The following EP400 variants were observed in gnomAD, a reference collection of about 807,000 sequenced individuals.
EP400 encodes the protein E1A binding protein p400, also known as E1A-binding protein p400.
EP400 carries 105 observed loss-of-function variants against 354.1 expected under a neutral mutation model. The observed-to-expected ratio is 0.30, with a 90% CI of 0.25 to 0.35. EP400 has a LOEUF of 0.35. Among genes scored for constraint, EP400 ranks in the 10% least tolerant of loss-of-function variants. EP400 has a pLI of 1.00. For missense variants in EP400, 3,280 were observed against 4,121.0 expected (o/e 0.80, Z 5.59); for synonymous variants, 1,646 against 1,716.9 (o/e 0.96, Z 1.02).
chr12:131,960,945 A>G lies in EP400; in HGVS notation c.326A>G (p.Gln109Arg). 1 of 1,612,974 alleles carries G rather than the reference A, an allele frequency of 6.2e-7. No individual in the cohort carries two copies. Among genetic ancestry groups the G allele is most frequent in the Non-Finnish European group, 8.5e-7 (1 of 1,179,750 alleles). ...PTSPGFQFSA[Q>R]PRRFEHGSPS... is the part of the protein sequence containing the mutation. ...TCTCCAGGCTTCCAGTTCAGCGCTC[A>G]GCCTCGGCGGTTTGAGCATGGGTCT... is the stretch of plus-strand genomic sequence containing the variant. Residue 109 changes from glutamine to arginine, a missense_variant, in exon 2 of 53, where the codon CAG (glutamine) becomes CGG (arginine). Gln to Arg is a conservative substitution (Grantham distance 43). This residue lies in a region of EP400 where 172 missense variants were observed against 242.9 expected (regional missense o/e 0.71). Coordinates refer to ENST00000389561, the MANE Select transcript of EP400 (RefSeq NM_015409.5).
Position 132,050,222 on chromosome 12 carries a change from G to T in EP400, c.7201-101G>T, listed in dbSNP as rs1895245971. On this transcript the variant is annotated intron_variant, in intron 39 of 52. Coordinates refer to ENST00000389561, the MANE Select transcript of EP400 (RefSeq NM_015409.5). The surrounding 1 kb of genome is among the most constrained non-coding windows in gnomAD (Gnocchi z 4.8). ...AAAAGGAAGTTTGTGTTCAGCCATG[G>T]GGAGTTTAGCCTCAGATTCCCACCC... 7.1e-7 allele frequency: 1 copy of T among 1,401,984 alleles called. No individual in the cohort carries two copies. The highest frequency in any genetic ancestry group is 1.3e-5 in the South Asian group (1 of 75,740). 86.8% of individuals were successfully genotyped at this position (1,401,984 alleles called of 1,614,324 possible).
At position 132,070,149 on chromosome 12, in the gene EP400, G is replaced by A. The variant is rs1349617325; in HGVS notation, c.9021+508G>A. Among the ~76,000 whole-genome samples, 3 of 152,122 alleles carry A rather than the reference G, an allele frequency of 2.0e-5. No individual in the cohort carries two copies. The East Asian group carries it at 5.8e-4, about 29-fold the overall frequency. On this transcript the variant is annotated intron_variant, in intron 51 of 52. Coordinates refer to ENST00000389561, the MANE Select transcript of EP400 (RefSeq NM_015409.5). The surrounding 1 kb of genome is among the most constrained non-coding windows in gnomAD (Gnocchi z 4.1). ...CCTCCCTGCATCCTTCTCTAAGAGC[G>A]GGGGAGTGGTACCTTCTTAGCTGGT...
chr12:132,034,250 T>A (rs964375322), intron 30 of EP400, among the ~76,000 whole-genome samples: 4 of 152,160 alleles, frequency 2.6e-5, no homozygotes, highest in Admixed American at 2.6e-4. Flanking sequence ...ATCAATAAAG[T>A]CTCAGGCATG....
chr12:131,981,529 G>T lies in EP400; in HGVS notation c.1476G>T (p.Gly492=), dbSNP rs569151190. The change falls in exon 4 of 53, where the codon GGG becomes GGT. Residue 492 remains glycine, a synonymous_variant. Coordinates refer to ENST00000389561, the MANE Select transcript of EP400 (RefSeq NM_015409.5). ...KRPRLEVGHQ[G]VVFQHPGADA... ...CTCGCCTTGAAGTGGGTCACCAAGG[G>T]GTAGTTTTCCAGCACCCAGGGGCGG... 1.0e-5 allele frequency: 16 copies of T among 1,597,852 alleles called. No homozygotes were observed. In the East Asian group the frequency reaches 3.6e-4, roughly 36 times the overall value.
rs756670852 is a variant in EP400, at chr12:132,029,848, C to A, written c.5529C>A (p.Thr1843=). The A allele has an allele frequency of 1.9e-6, 3 of 1,612,838 alleles. No individual in the cohort carries two copies. Among genetic ancestry groups the A allele is most frequent in the Middle Eastern group, 1.7e-4 (1 of 6,042 alleles). ...CGTACTTCCAGCAGCTGCGGCAGAC[C>A]ACGGCTCCACGCCTGCTGCAGTTCC... ...AAPYFQQLRQ[T]TAPRLLQFPE... Residue 1843 remains threonine (T), a synonymous_variant, in exon 28 of 53, where the codon ACC becomes ACA. Transcript: ENST00000389561. The surrounding 1 kb of genome is among the most constrained non-coding windows in gnomAD (Gnocchi z 4.7).
intron 15 of EP400, among the ~76,000 whole-genome samples, chr12:132,007,969 T>TG (rs1893641266): frequency 1.3e-5 from 2 of 150,878 alleles, no homozygotes; most frequent in Non-Finnish European, 2.9e-5. Flanking sequence ...TTTTTTGAGA[T>TG]GGAGTTTCAC....
intron 52 of EP400, among the ~76,000 whole-genome samples, chr12:132,076,940 C>T (rs1896255833): frequency 6.6e-6 from 1 of 152,352 alleles, no homozygotes; most frequent in East Asian, 1.9e-4. Flanking sequence ...TGAGCAGAGG[C>T]GCTGTGGGCA....
intron 34 of EP400, 101 bp from the exon 35 acceptor site, chr12:132,044,076 A>C: frequency 6.6e-7 from 1 of 1,504,456 alleles, no homozygotes; most frequent in Non-Finnish European, 9.1e-7. Context: ...TGTGTAGAGA[A>C]CATGTGGCTC....
chr12:132,063,356 T>C (rs1895770608), intron 47 of EP400, among the ~76,000 whole-genome samples: 1 of 151,948 alleles, frequency 6.6e-6, no homozygotes. Flanking sequence ...CTACTAGAAA[T>C]ACAAAAATTA....
At position 132,020,052 on chromosome 12, in the gene EP400, G is replaced by T; in HGVS notation, c.4281G>T (p.Leu1427Phe). 6.5e-7 allele frequency: 1 copy of T among 1,548,898 alleles called. No homozygotes were observed. The highest frequency in any genetic ancestry group is 8.7e-7 in the Non-Finnish European group (1 of 1,145,594). ...PAAAKLKASR[L>F]FQPVQYGQKP... is the part of the protein sequence containing the mutation. ...GCCTGGACCAATGGGCATCTAGGTT[G>T]TTTCAGCCTGTGCAGTATGGCCAGA... is the stretch of plus-strand genomic sequence containing the variant. The change falls in exon 22 of 53, where the codon TTG (leucine) becomes TTT (phenylalanine). Residue 1427 changes from leucine (L) to phenylalanine (F), a missense_variant. Leu to Phe is a conservative substitution (Grantham distance 22). Around this residue, in one of 20 missense-constraint regions of EP400, gnomAD observed 342 missense variants for 342.7 expected, o/e 1.00. Transcript: ENST00000389561.
intron 2 of EP400, chr12:131,963,460 T>C: frequency 8.5e-6 from 10 of 1,171,178 alleles, no homozygotes; most frequent in Non-Finnish European, 1.2e-5. Context: ...CTATCAGCAA[T>C]AAAATTCTAA....
In EP400 at chr12:132,054,144, G is replaced by A. The variant is rs1245984975; in HGVS notation, c.7728+547G>A. Among the ~76,000 whole-genome samples the A allele has an allele frequency of 2.6e-5, 4 of 152,206 alleles. No individual in the cohort carries two copies. The highest frequency in any genetic ancestry group is 2.1e-4 in the South Asian group (1 of 4,834). ...TCTGGTGTATCTCTGTACTGTGTGC[G>A]TCCGTGTGCCACACAGACGCTGAAA... is the stretch of plus-strand genomic sequence containing the variant. On this transcript the variant is annotated intron_variant, in intron 43 of 52. Coordinates refer to ENST00000389561, the MANE Select transcript of EP400 (RefSeq NM_015409.5). This position sits in a 1 kb window ranked among gnomAD's most constrained non-coding sequence, Gnocchi z 4.0.
At chr12:131,987,447 A>G (rs1229714840) in intron 6 of EP400, among the ~76,000 whole-genome samples, 1 of 152,206 alleles carries the variant, frequency 6.6e-6, no homozygotes, top group East Asian at 1.9e-4. Flanking sequence ...TCTGTTTTAT[A>G]GAGCTGGGGC....
At position 132,044,853 on chromosome 12, in the gene EP400, G is replaced by A. The variant is rs536930016; in HGVS notation, c.6684G>A (p.Ser2228=). ...PQDDSDIYLD[S]VMCLMYEATP... ...ACGACAGCGACATCTACCTCGACTC[G>A]GTCATGTGTCTCATGTATGAAGCCA... The change falls in exon 37 of 53, where the codon TCG becomes TCA. Residue 2228 remains serine (S), a synonymous_variant. Coordinates refer to ENST00000389561, the MANE Select transcript of EP400 (RefSeq NM_015409.5). The A allele has an allele frequency of 3.1e-6, 5 of 1,614,144 alleles. No homozygotes were observed. The highest frequency in any genetic ancestry group is 1.3e-5 in the African/African-American group (1 of 75,020).
chr12:132,072,294 T>C (rs536277708), intron 51 of EP400, among the ~76,000 whole-genome samples: 1 of 152,338 alleles, frequency 6.6e-6, no homozygotes, highest in South Asian at 2.1e-4. Context: ...TCCTTTCTTT[T>C]ATTTTGCTAT....
intron 12 of EP400, 57 bp from the exon 13 acceptor site, chr12:132,005,020 T>G (rs1195922160): frequency 2.5e-5 from 35 of 1,383,722 alleles, no homozygotes; most frequent in Non-Finnish European, 3.4e-5. Flanking sequence ...TCCTTCCCAA[T>G]TTAAATTACA....
chr12:132,033,997 A>G (rs1243371958), intron 30 of EP400, among the ~76,000 whole-genome samples: 3 of 152,250 alleles, frequency 2.0e-5, no homozygotes, highest in African/African-American at 7.2e-5. Context: ...AGCAATTATT[A>G]ACATTCAGTT....
At chr12:131,979,078 G>T (rs1460171716) in intron 2 of EP400, among the ~76,000 whole-genome samples, 1 of 151,966 alleles carries the variant, frequency 6.6e-6, no homozygotes, top group Non-Finnish European at 1.5e-5. Flanking sequence ...CTAGCCAGGC[G>T]TGGTGGCAGG....
intron 2 of EP400, among the ~76,000 whole-genome samples, chr12:131,963,353 TGA>T (rs1891965300): frequency 6.6e-6 from 1 of 152,230 alleles, no homozygotes; most frequent in African/African-American, 2.4e-5. Context: ...GTTTGCAGTT[TGA>T]GTTAGGTTGT....
Sources: allele counts gnomAD v4.1 joint callset (sites outside exome capture counted in the v4.1 genomes callset), GRCh38; gene constraint gnomAD v4.1.1; regional missense constraint gnomAD v4.1.1; non-coding constraint Gnocchi (gnomAD v3.1); transcripts MANE v1.5; gene names NCBI Gene and HGNC (gene_info 2026-07-23, HGNC 2026-07-21).